Variants in LDLRAD3 observed in about 807,000 individuals in gnomAD.
The protein encoded by LDLRAD3 is low density lipoprotein receptor class A domain containing 3, also known as low-density lipoprotein receptor class A domain-containing protein 3.
In LDLRAD3, 20 loss-of-function variants were observed where a neutral mutation model predicts 29.4. That is an observed-to-expected ratio of 0.68 (90% confidence interval 0.48 to 0.99). The LOEUF is 0.99. LDLRAD3 is among the 50% of genes least tolerant of loss of function. LDLRAD3 has a pLI of 0.00. For synonymous variants in LDLRAD3, 157 were observed against 192.7 expected, an observed-to-expected ratio of 0.81 and a Z score of 1.53; for missense variants, 420 against 454.3, an observed-to-expected ratio of 0.92 and a Z score of 0.69.
At chr11:36,109,010 AGGAGGATGGT>A (rs58210280) in intron 4 of LDLRAD3, among the ~76,000 whole-genome samples, 4,543 of 152,166 alleles carry the variant, frequency 0.03, 218 homozygotes, top group African/African-American at 0.1. Flanking sequence ...AAGGCAGGCC[AGGAGGATGGT>A]GGAGGATGGT....
intron 2 of LDLRAD3, among the ~76,000 whole-genome samples, chr11:36,043,185 G>C (rs557198847): frequency 6.6e-5 from 10 of 152,242 alleles, no homozygotes; most frequent in Admixed American, 2.0e-4. Flanking sequence ...GTTGGCGGGA[G>C]CCTGTAATCC....
chr11:36,151,840 TGA>T (rs1241079319), intron 4 of LDLRAD3, among the ~76,000 whole-genome samples: 1 of 152,222 alleles, frequency 6.6e-6, no homozygotes, highest in East Asian at 1.9e-4. Flanking sequence ...CCCAGCCCAC[TGA>T]GTACTATTGT....
chr11:36,124,819 G>A (rs954245855), intron 4 of LDLRAD3, among the ~76,000 whole-genome samples: 2 of 151,936 alleles, frequency 1.3e-5, no homozygotes, highest in South Asian at 4.2e-4. Context: ...AGACTCCCGA[G>A]TAGCTGGGAT....
chr11:36,068,718 G>T (rs1419154787), intron 2 of LDLRAD3, among the ~76,000 whole-genome samples: 2 of 152,180 alleles, frequency 1.3e-5, no homozygotes, highest in East Asian at 3.9e-4. Context: ...GGGTTTCACC[G>T]TGTTAGCCAG....
chr11:36,150,864 G>T (rs1854269205), intron 4 of LDLRAD3, among the ~76,000 whole-genome samples: 1 of 152,162 alleles, frequency 6.6e-6, no homozygotes, highest in Non-Finnish European at 1.5e-5. Context: ...TCCTGCTTTT[G>T]CAGTAGCTTT....
At chr11:36,015,352 C>T (rs2133192128) in intron 1 of LDLRAD3, among the ~76,000 whole-genome samples, 1 of 150,648 alleles carries the variant, frequency 6.6e-6, no homozygotes, top group East Asian at 2.0e-4. Flanking sequence ...CGTCCCCACC[C>T]CTTGTCATTG....
At chr11:36,031,993 T>C (rs922413112) in intron 1 of LDLRAD3, among the ~76,000 whole-genome samples, 1 of 152,160 alleles carries the variant, frequency 6.6e-6, no homozygotes. Flanking sequence ...GGCCCCTCTT[T>C]CTTGGCTAAT....
intron 1 of LDLRAD3, among the ~76,000 whole-genome samples, chr11:35,977,580 C>T (rs1384844865): frequency 1.3e-5 from 2 of 152,032 alleles, no homozygotes; most frequent in Admixed American, 6.6e-5. Flanking sequence ...TAAGAGGTAT[C>T]CTGGGAGAGT....
intron 4 of LDLRAD3, among the ~76,000 whole-genome samples, chr11:36,186,484 A>C (rs747126489): frequency 6.6e-6 from 1 of 152,212 alleles, no homozygotes; most frequent in Non-Finnish European, 1.5e-5. Context: ...TCCACATCCA[A>C]AAATCTTTTC....
chr11:36,153,842 A>G (rs191160235), intron 4 of LDLRAD3, among the ~76,000 whole-genome samples: 33 of 152,116 alleles, frequency 2.2e-4, no homozygotes, highest in Admixed American at 2.0e-3. Context: ...TTTTTTTTTA[A>G]CAGGATAAAT....
At chr11:35,967,265 AC>A in intron 1 of LDLRAD3, 1 of 201,358 alleles carries the variant, frequency 5.0e-6, no homozygotes. Flanking sequence ...CCAATTTCTG[AC>A]CAGAGCTGCT....
In LDLRAD3 at chr11:36,229,733, G is replaced by A. The variant is rs1855551033; in HGVS notation, c.*336G>A. 3.9e-6 allele frequency: 1 copy of A among 258,488 alleles called. No homozygotes were observed. Among genetic ancestry groups the A allele is most frequent in the Admixed American group, 4.9e-5 (1 of 20,366 alleles). 16.0% of individuals were successfully genotyped at this position (258,488 alleles called of 1,614,324 possible). The stretch of plus-strand genomic sequence containing the variant: ...GGCTGGGAGAGAGCAATGTTTCTGT[G>A]CTATATTGGATGCTCAGAAGTGCAG... On this transcript the variant is annotated 3_prime_UTR_variant, in exon 6 of 6. Transcript: ENST00000315571.
At chr11:36,054,711 G>GGA (rs1852580722) in intron 2 of LDLRAD3, among the ~76,000 whole-genome samples, 1 of 146,222 alleles carries the variant, frequency 6.8e-6, no homozygotes, top group African/African-American at 2.5e-5. Context: ...GGATGGGTGG[G>GGA]TGGATGGATG....
intron 4 of LDLRAD3, chr11:36,183,962 TC>T: frequency 6.4e-6 from 2 of 312,648 alleles, no homozygotes; most frequent in Non-Finnish European, 1.2e-5. Context: ...ATATATTTCA[TC>T]TTTTTTTTTT....
chr11:36,019,419 G>C lies in LDLRAD3; in HGVS notation c.47-16684G>C, dbSNP rs141054236. 3.3e-5 allele frequency among the ~76,000 whole-genome samples: 5 copies of C among 152,252 alleles called. No individual in the cohort carries two copies. In the East Asian group the frequency reaches 7.7e-4, roughly 24 times the overall value. On this transcript the variant is annotated intron_variant, in intron 1 of 5. Coordinates refer to ENST00000315571, the MANE Select transcript of LDLRAD3 (RefSeq NM_174902.4). ...GCATTTCCTATGTCAGTCTTGCTTC[G>C]TGTGGAGCCATTATTCCTCTCTTCA...
At chr11:36,010,212 A>G (rs1006438509) in intron 1 of LDLRAD3, 2 of 154,380 alleles carry the variant, frequency 1.3e-5, no homozygotes, top group African/African-American at 4.8e-5. Flanking sequence ...AGCAAAACAT[A>G]TAACTAGGAC....
intron 1 of LDLRAD3, among the ~76,000 whole-genome samples, chr11:35,962,104 T>G (rs1210392312): frequency 1.3e-5 from 2 of 152,132 alleles, no homozygotes; most frequent in East Asian, 3.9e-4. Context: ...CTTAAAAAAT[T>G]TATTATTTGC....
intron 4 of LDLRAD3, among the ~76,000 whole-genome samples, chr11:36,121,695 A>T (rs1278845451): frequency 1.3e-5 from 2 of 152,198 alleles, no homozygotes; most frequent in Admixed American, 1.3e-4. Context: ...GAGCTTGATG[A>T]GCTATCTGTT....
intron 4 of LDLRAD3, among the ~76,000 whole-genome samples, chr11:36,214,176 C>A (rs1855321753): frequency 6.6e-6 from 1 of 152,248 alleles, no homozygotes; most frequent in South Asian, 2.1e-4. Context: ...GAGAAGGAGG[C>A]AGTGAGAGAG....
Sources: gnomAD v4.1 joint callset for allele counts (sites outside exome capture counted in the v4.1 genomes callset) on GRCh38, gnomAD v4.1.1 for gene constraint, MANE v1.5 for transcripts, NCBI Gene and HGNC (gene_info 2026-07-23, HGNC 2026-07-21) for gene names.